Variants in CTNNA1 observed in about 807,000 individuals in gnomAD.
The protein encoded by CTNNA1 is catenin alpha-1.
In CTNNA1, 37 loss-of-function variants were observed where a neutral mutation model predicts 98.4. The ratio of observed to expected loss-of-function variants is 0.38; its 90% CI spans 0.29 to 0.49. The LOEUF (loss-of-function observed/expected upper bound fraction) is 0.49. Among genes scored for constraint, CTNNA1 ranks in the 20% least tolerant of loss-of-function variants. CTNNA1 has a pLI of 0.95. For synonymous variants in CTNNA1, 404 were observed against 413.2 expected, an observed-to-expected ratio of 0.98 and a Z score of 0.27; for missense variants, 761 against 1,147.2, an observed-to-expected ratio of 0.66 and a Z score of 4.86.
At chr5:138,911,260 T>C (rs1760558758) in intron 10 of CTNNA1, among the ~76,000 whole-genome samples, 1 of 152,112 alleles carries the variant, frequency 6.6e-6, no homozygotes, top group South Asian at 2.1e-4. Context: ...AAGATCTCTC[T>C]GACTTCTGTG....
At chr5:138,798,603 C>T (rs1757217519) in intron 3 of CTNNA1, among the ~76,000 whole-genome samples, 1 of 152,132 alleles carries the variant, frequency 6.6e-6, no homozygotes, top group Non-Finnish European at 1.5e-5. Context: ...GCTTCAAAAA[C>T]TTCTTGATTT....
intron 7 of CTNNA1, 178 bp downstream of exon 7, chr5:138,827,896 T>A (rs111253084): frequency 4.5e-6 from 3 of 665,104 alleles, no homozygotes; most frequent in African/African-American, 1.8e-5. Context: ...CTTTCCTCTC[T>A]CCAGCTTATT....
chr5:138,934,178 T>G lies in CTNNA1; in HGVS notation c.*89T>G, dbSNP rs2150361309. On this transcript the variant is annotated 3_prime_UTR_variant, in exon 18 of 18. Transcript: ENST00000302763. ...CAAATGAATTTGCTAAATACAACAC[T>G]GATACTAGATTCCACAGGGAAATGG... 1.1e-6 allele frequency: 1 copy of G among 937,074 alleles called. No individual in the cohort carries two copies. Among genetic ancestry groups the G allele is most frequent in the African/African-American group, 1.6e-5 (1 of 61,272 alleles). 58.0% of individuals were successfully genotyped at this position (937,074 alleles called of 1,614,324 possible). A position where few individuals can be genotyped will look rare whatever the true frequency, so the allele number is the denominator to read the frequency against.
At position 138,789,022 on chromosome 5, in the gene CTNNA1, C is replaced by T. The variant is rs147337076; in HGVS notation, c.301+5650C>T. ...CCTGCACTGCTTCTAATCATATTTG[C>T]TCAGTAAAGGGGCCAAATAGATTAT... On this transcript the variant is annotated intron_variant, in intron 3 of 17. Coordinates refer to ENST00000302763, the MANE Select transcript of CTNNA1 (RefSeq NM_001903.5). Among the ~76,000 whole-genome samples the T allele has an allele frequency of 2.5e-3, 384 of 152,294 alleles. 1 individual carries two copies. The highest frequency in any genetic ancestry group is 7.9e-3 in the African/African-American group (329 of 41,566).
chr5:138,776,966 C>T (rs1346864245), intron 1 of CTNNA1, among the ~76,000 whole-genome samples: 2 of 148,354 alleles, frequency 1.3e-5, no homozygotes, highest in East Asian at 2.1e-4. Context: ...CCCCACCTCC[C>T]TCCCGGACGG....
intron 1 of CTNNA1, among the ~76,000 whole-genome samples, chr5:138,780,925 C>T (rs920282117): frequency 7.1e-6 from 1 of 141,494 alleles, no homozygotes; most frequent in Non-Finnish European, 1.5e-5. Flanking sequence ...ATTGAAGGCA[C>T]TACTTTTAGA....
At chr5:138,912,116 G>A (rs1460951907) in intron 10 of CTNNA1, among the ~76,000 whole-genome samples, 3 of 152,314 alleles carry the variant, frequency 2.0e-5, no homozygotes, top group South Asian at 2.1e-4. Flanking sequence ...GTGAGTCTAC[G>A]TGAAGGAAAG....
At chr5:138,854,955 A>G (rs1001674597) in intron 7 of CTNNA1, among the ~76,000 whole-genome samples, 1 of 152,230 alleles carries the variant, frequency 6.6e-6, no homozygotes, top group Non-Finnish European at 1.5e-5. Flanking sequence ...CAGAGAGAAA[A>G]AAATATTGGG....
intron 7 of CTNNA1, among the ~76,000 whole-genome samples, chr5:138,829,256 G>C (rs1761024859): frequency 6.6e-6 from 1 of 152,228 alleles, no homozygotes; most frequent in Non-Finnish European, 1.5e-5. Context: ...CCATAGCTAA[G>C]ATTGAACATT....
At chr5:138,920,853 C>G (rs1210338671) in intron 11 of CTNNA1, among the ~76,000 whole-genome samples, 1 of 152,144 alleles carries the variant, frequency 6.6e-6, no homozygotes, top group Non-Finnish European at 1.5e-5. Context: ...ATACTTAGAA[C>G]AAGTCATGTC....
At chr5:138,931,712 C>T (rs1765388721) in intron 16 of CTNNA1, 1 of 985,474 alleles carries the variant, frequency 1.0e-6, no homozygotes, top group Non-Finnish European at 1.2e-6. Flanking sequence ...CCACTTCCTT[C>T]TGCATCCAGC....
chr5:138,755,339 T>G (rs1405407733), intron 1 of CTNNA1, among the ~76,000 whole-genome samples: 1 of 152,152 alleles, frequency 6.6e-6, no homozygotes, highest in African/African-American at 2.4e-5. Context: ...TGAGTCGAGT[T>G]TTTTTTAAGT....
intron 1 of CTNNA1, among the ~76,000 whole-genome samples, chr5:138,758,377 G>GT (rs1050944765): frequency 2.2e-5 from 3 of 133,936 alleles, no homozygotes; most frequent in African/African-American, 8.5e-5. Context: ...AACTTTTTTT[G>GT]TTTGTTTGTT....
chr5:138,930,517 G>T lies in CTNNA1; in HGVS notation c.2055G>T (p.Ala685=), dbSNP rs372902176. The stretch of plus-strand genomic sequence containing the variant: ...CCCAGGAGCAAAAAGCGAAGATTGC[G>T]GAACAGGTGGCCAGCTTCCAGGAAG... ...QLPQEQKAKI[A]EQVASFQEEK... Residue 685 remains alanine (A), a synonymous_variant, in exon 15 of 18, where the codon GCG becomes GCT. Coordinates refer to ENST00000302763, the MANE Select transcript of CTNNA1 (RefSeq NM_001903.5). 3.7e-6 allele frequency: 6 copies of T among 1,613,794 alleles called. No individual in the cohort carries two copies. The highest frequency in any genetic ancestry group is 1.7e-5 in the Admixed American group (1 of 59,960).
In CTNNA1 at chr5:138,909,964, G is replaced by A. The variant is rs954396659; in HGVS notation, c.1389+5523G>A. ...TCATGGGACCATCTGTCTTTGAATC[G>A]CTTCACTTTTCCACTTTGGTATTCT... On this transcript the variant is annotated intron_variant, in intron 10 of 17. Coordinates refer to ENST00000302763, the MANE Select transcript of CTNNA1 (RefSeq NM_001903.5). Among the ~76,000 whole-genome samples the A allele has an allele frequency of 1.8e-4, 28 of 152,206 alleles. 1 individual carries two copies. The highest frequency in any genetic ancestry group is 1.2e-3 in the Admixed American group (18 of 15,300).
At chr5:138,810,266 C>T (rs1466958120) in intron 4 of CTNNA1, 62 bp downstream of exon 4, 6 of 1,550,250 alleles carry the variant, frequency 3.9e-6, no homozygotes, top group East Asian at 4.5e-5. Flanking sequence ...ACTGGCCTTC[C>T]TTAGTTCAGT....
intron 7 of CTNNA1, among the ~76,000 whole-genome samples, chr5:138,828,929 T>C (rs571175607): frequency 6.6e-6 from 1 of 152,244 alleles, no homozygotes; most frequent in Non-Finnish European, 1.5e-5. Context: ...TTTGAGACCA[T>C]CTTGGGCAAC....
intron 10 of CTNNA1, among the ~76,000 whole-genome samples, chr5:138,910,610 C>T (rs1182747432): frequency 6.6e-6 from 1 of 151,908 alleles, no homozygotes; most frequent in Non-Finnish European, 1.5e-5. Flanking sequence ...TATAAATTTC[C>T]CTCGAAGCAC....
chr5:138,756,703 T>TGTTG (rs1256965403), intron 1 of CTNNA1, among the ~76,000 whole-genome samples: 2 of 152,264 alleles, frequency 1.3e-5, no homozygotes, highest in Middle Eastern at 3.4e-3. Flanking sequence ...GCAGAGGCCA[T>TGTTG]GTTGGGGTTT....
Sources: gnomAD v4.1 joint callset for allele counts (sites outside exome capture counted in the v4.1 genomes callset) on GRCh38, gnomAD v4.1.1 for gene constraint, MANE v1.5 for transcripts, NCBI Gene and HGNC (gene_info 2026-07-23, HGNC 2026-07-21) for gene names.